Variants in USP36 observed in about 807,000 individuals in gnomAD.
USP36 encodes ubiquitin specific peptidase 36.
USP36 carries 59 observed loss-of-function variants against 111.5 expected under a neutral mutation model. The observed-to-expected ratio is 0.53, with a 90% CI of 0.43 to 0.66. The LOEUF is 0.66. Among genes scored for constraint, USP36 ranks in the 30% least tolerant of loss-of-function variants. The pLI, the probability that USP36 is intolerant of heterozygous loss-of-function variation, is 0.00. For synonymous variants in USP36, 628 were observed against 581.0 expected (o/e 1.08, Z -1.16); for missense variants, 1,488 against 1,468.0 (o/e 1.01, Z -0.22).
Position 78,812,990 on chromosome 17 carries a change from G to C in USP36, c.1277C>G (p.Ser426Cys). 1 of 1,614,104 alleles carries C rather than the reference G, an allele frequency of 6.2e-7. No homozygotes were observed. The highest frequency in any genetic ancestry group is 8.5e-7 in the Non-Finnish European group (1 of 1,180,004). The change falls in exon 13 of 21, where the codon TCT becomes TGT. Residue 426 changes from serine (S) to cysteine (C), a missense_variant. Physicochemically the swap from Ser to Cys is moderately radical, Grantham distance 112. Transcript: ENST00000449938. ...YVLFYLRIPG[S>C]KKSPEGLISR... Reference sequence around the variant, plus strand: ...GATGAGGCCCTCGGGACTTTTCTTAGAGCCTGGAATTCTGTCAAAGGAAGA... The same window carrying C: ...GATGAGGCCCTCGGGACTTTTCTTACAGCCTGGAATTCTGTCAAAGGAAGA...
Position 78,823,167 on chromosome 17 carries a change from A to G in USP36, c.690-1163T>C, listed in dbSNP as rs146124160. The G allele has an allele frequency of 5.1e-3, 2,029 of 398,718 alleles. 9 individuals carry two copies. Among genetic ancestry groups the G allele is most frequent in the Non-Finnish European group, 6.8e-3 (1,546 of 226,104 alleles). The allele number at this position is 398,718 out of a possible 1,614,324, so 24.7% of individuals were successfully genotyped here. A position where few individuals can be genotyped will look rare whatever the true frequency, so the allele number is the denominator to read the frequency against. Reference sequence around the variant, plus strand: ...GAAATACTTGGGGGACCAATACAGGATCATTCAATTTTTATTCTGCAAAGT... The same window carrying G: ...GAAATACTTGGGGGACCAATACAGGGTCATTCAATTTTTATTCTGCAAAGT... On this transcript the variant is annotated intron_variant, in intron 6 of 20. Coordinates refer to ENST00000449938, the MANE Select transcript of USP36 (RefSeq NM_001385174.1).
At chr17:78,820,757 T>C (rs929895620) in intron 8 of USP36, among the ~76,000 whole-genome samples, 1 of 152,204 alleles carries the variant, frequency 6.6e-6, no homozygotes, top group Non-Finnish European at 1.5e-5. Context: ...CTGTTCATGC[T>C]TCAGGACACA....
chr17:78,821,891 T>C (rs2094339415), intron 7 of USP36, 46 bp downstream of exon 7: 6 of 1,608,928 alleles, frequency 3.7e-6, no homozygotes, highest in African/African-American at 2.7e-5. Context: ...CCTGGGTTCA[T>C]GTTCTAATCC....
chr17:78,806,969 G>A lies in USP36; in HGVS notation c.2075C>T (p.Ser692Phe). Reference sequence around the variant, plus strand: ...CCCCCACACACCCACCTTCTTGGCAGAAAGGGCCAGTTTTTTGGCTGGTGG... The same window carrying A: ...CCCCCACACACCCACCTTCTTGGCAAAAAGGGCCAGTTTTTTGGCTGGTGG... ...SPPPAKKLAL[S>F]AKKASTLWRA... The change falls in exon 14 of 21, where the codon TCT (serine) becomes TTT (phenylalanine). Residue 692 changes from serine to phenylalanine, a missense_variant. Physicochemically the swap from Ser to Phe is radical, Grantham distance 155 (BLOSUM62 -2). Coordinates refer to ENST00000449938, the MANE Select transcript of USP36 (RefSeq NM_001385174.1). 1 of 1,614,054 alleles carries A rather than the reference G, an allele frequency of 6.2e-7. No homozygotes were observed. The highest frequency in any genetic ancestry group is 2.2e-5 in the East Asian group (1 of 44,892).
In USP36 at chr17:78,828,509, C is replaced by T. The variant is rs563413997; in HGVS notation, c.586+388G>A. Among the ~76,000 whole-genome samples, 411 of 152,284 alleles carry T rather than the reference C, an allele frequency of 2.7e-3. 2 individuals carry two copies. The highest frequency in any genetic ancestry group is 5.1e-3 in the Non-Finnish European group (350 of 68,032). ...TCCACCTGCCCAAAGGAAAAGCTAC[C>T]TGTCCTGACCTGCCCCCACTAAGAG... On this transcript the variant is annotated intron_variant, in intron 5 of 20. Transcript: ENST00000449938.
intron 13 of USP36, among the ~76,000 whole-genome samples, chr17:78,811,767 C>T (rs1463315303): frequency 6.6e-6 from 1 of 151,974 alleles, no homozygotes; most frequent in Non-Finnish European, 1.5e-5. Context: ...ACTCGGGAGG[C>T]TGAGGCAGGA....
At chr17:78,825,447 G>A (rs2145483078) in intron 6 of USP36, among the ~76,000 whole-genome samples, 1 of 152,228 alleles carries the variant, frequency 6.6e-6, no homozygotes, top group South Asian at 2.1e-4. Context: ...ACAGACCAGT[G>A]AAAGCTCCCT....
Position 78,807,454 on chromosome 17 carries a change from G to T in USP36, c.1590C>A (p.Asp530Glu), listed in dbSNP as rs775407082. 2 of 1,614,094 alleles carry T rather than the reference G, an allele frequency of 1.2e-6. No homozygotes were observed. The highest frequency in any genetic ancestry group is 1.1e-5 in the South Asian group (1 of 91,076). Reference protein sequence around the residue: ...QTPTHMPTILDDPGKKVKKPA... With the variant: ...QTPTHMPTILEDPGKKVKKPA... ...GCTTCTTCACCTTCTTTCCAGGGTCGTCTAGGATGGTTGGCATGTGTGTGG... is the reference window on the plus strand; with the variant it reads ...GCTTCTTCACCTTCTTTCCAGGGTCTTCTAGGATGGTTGGCATGTGTGTGG... The change falls in exon 14 of 21, where the codon GAC becomes GAA. Residue 530 changes from aspartate to glutamate, a missense_variant. Physicochemically the swap from Asp to Glu is conservative, Grantham distance 45. Transcript: ENST00000449938.
intron 5 of USP36, among the ~76,000 whole-genome samples, chr17:78,828,547 A>G (rs1363972944): frequency 6.6e-6 from 1 of 151,956 alleles, no homozygotes; most frequent in Non-Finnish European, 1.5e-5. Context: ...TTCCCCACTG[A>G]CCCCAGCCCA....
At chr17:78,808,857 T>C (rs1164368904) in intron 13 of USP36, among the ~76,000 whole-genome samples, 1 of 152,076 alleles carries the variant, frequency 6.6e-6, no homozygotes, top group East Asian at 1.9e-4. Context: ...GAGTCGGTGC[T>C]TAAAAAATAT....
At chr17:78,841,175 G>A (rs2069259215), upstream of USP36, 1 of 152,302 alleles carries the variant, frequency 6.6e-6, no homozygotes, top group African/African-American at 2.4e-5. Context: ...CCCCGCCCCA[G>A]AACGGGGACT....
chr17:78,839,014 T>A (rs566495385), intron 1 of USP36, among the ~76,000 whole-genome samples: 1 of 152,118 alleles, frequency 6.6e-6, no homozygotes, highest in Non-Finnish European at 1.5e-5. Context: ...GCCAGTCAGC[T>A]CCAGTCTAAT....
At chr17:78,821,082 T>C (rs1237452179) in intron 7 of USP36, 21 bp from the exon 8 acceptor site, 1 of 1,583,886 alleles carries the variant, frequency 6.3e-7, no homozygotes, top group Non-Finnish European at 8.6e-7. Context: ...ACAGAGGCAG[T>C]GGAGCAGGTG....
At chr17:78,805,722 A>G (rs1273885814) in intron 15 of USP36, among the ~76,000 whole-genome samples, 4 of 152,210 alleles carry the variant, frequency 2.6e-5, no homozygotes, top group Non-Finnish European at 5.9e-5. Flanking sequence ...CTTAACCTGC[A>G]TGACGCTAGC....
At position 78,802,404 on chromosome 17, in the gene USP36, G is replaced by A. The variant is rs905284917; in HGVS notation, c.2942C>T (p.Ala981Val). Residue 981 changes from alanine (A) to valine (V), a missense_variant, in exon 17 of 21, where the codon GCC (alanine) becomes GTC (valine). Coordinates refer to ENST00000449938, the MANE Select transcript of USP36 (RefSeq NM_001385174.1). ...EDGHLKCPRS[A>V]KPQDAVVPES... ...GGGGACAACAGCATCTTGGGGCTTG[G>A]CACTCCTTGGGCATTTGAGATGCCC... 1 of 1,611,402 alleles carries A rather than the reference G, an allele frequency of 6.2e-7. No individual in the cohort carries two copies. The highest frequency in any genetic ancestry group is 8.5e-7 in the Non-Finnish European group (1 of 1,179,156).
intron 4 of USP36, among the ~76,000 whole-genome samples, chr17:78,832,072 A>ATGTAATTTAGGAAAAAATATTTG (rs2068182346): frequency 6.6e-6 from 1 of 151,992 alleles, no homozygotes; most frequent in Non-Finnish European, 1.5e-5. Flanking sequence ...ACAAATATTT[A>ATGTAATTTAGGAAAAAATATTTG]TTCATGTAAT....
At chr17:78,817,891 GGCAACACA>G (rs1374243918) in intron 10 of USP36, among the ~76,000 whole-genome samples, 1 of 152,070 alleles carries the variant, frequency 6.6e-6, no homozygotes, top group African/African-American at 2.4e-5. Context: ...GACCACCCTG[GGCAACACA>G]GCAAGATGCT....
intron 4 of USP36, among the ~76,000 whole-genome samples, chr17:78,834,541 G>C (rs1183942102): frequency 2.0e-5 from 3 of 151,972 alleles, no homozygotes; most frequent in African/African-American, 7.3e-5. Context: ...CCACCTTCTG[G>C]GTTCAAGCAA....
At chr17:78,790,246 C>A (rs1001126510) in intron 3 of USP36, among the ~76,000 whole-genome samples, 5 of 151,886 alleles carry the variant, frequency 3.3e-5, no homozygotes, top group African/African-American at 1.2e-4. Flanking sequence ...CCCACCACCA[C>A]GCCTGGCTAA....
Sources: allele counts gnomAD v4.1 joint callset (sites outside exome capture counted in the v4.1 genomes callset), GRCh38; gene constraint gnomAD v4.1.1; transcripts MANE v1.5; gene names NCBI Gene and HGNC (gene_info 2026-07-23, HGNC 2026-07-21).